Variants in RIOK1 observed in about 807,000 individuals in gnomAD.
The protein encoded by RIOK1 is serine/threonine-protein kinase RIO1.
In RIOK1, 66 loss-of-function variants were observed where a neutral mutation model predicts 73.5. The observed-to-expected ratio is 0.90, with a 90% confidence interval of 0.74 to 1.10. RIOK1 has a LOEUF of 1.10. Among genes scored for constraint, RIOK1 ranks in the 50% least tolerant of loss-of-function variants. The probability of loss-of-function intolerance (pLI) is 0.00; values close to 1 mark genes in which losing one functional copy is unlikely to be tolerated. For synonymous variants in RIOK1, 224 were observed against 226.8 expected (o/e 0.99, Z 0.11); for missense variants, 658 against 699.8 (o/e 0.94, Z 0.67).
Position 7,417,373 on chromosome 6 carries a change from AAAAAC to A in RIOK1, c.1644_1648del (p.Lys549SerfsTer2). 1 of 1,567,634 alleles carries A rather than the reference AAAAAC, an allele frequency of 6.4e-7. No homozygotes were observed. Among genetic ancestry groups the A allele is most frequent in the Non-Finnish European group, 8.6e-7 (1 of 1,156,664 alleles). On this transcript the variant is annotated frameshift_variant, in exon 17 of 17. Transcript: ENST00000379834. LOFTEE classifies it high-confidence loss of function. The stretch of plus-strand genomic sequence containing the variant: ...CAAGGAAGCCCAGAGAGAGAAAAGA[AAAAAC>A]AAAATTCCTAAACATGTGAAAAAAA...
chr6:7,403,168 C>G (rs1029805279), intron 8 of RIOK1, among the ~76,000 whole-genome samples: 1 of 152,156 alleles, frequency 6.6e-6, no homozygotes, highest in African/African-American at 2.4e-5. Context: ...ATTTGGAAGG[C>G]CTTGTAAGCC....
rs758199976 is a variant in RIOK1 at position 7,393,219 on chromosome 6, C to CGAT, written c.204_206dup (p.Asp69dup). The CGAT allele has an allele frequency of 2.5e-6, 4 of 1,595,516 alleles. No individual in the cohort carries two copies. The highest frequency in any genetic ancestry group is 2.2e-5 in the East Asian group (1 of 44,502). ...AAGATGAGGAGGAGGAGGGTTATGACGATGATGATGATGACTGGGACTGGG... is the reference window on the plus strand; with the variant it reads ...AAGATGAGGAGGAGGAGGGTTATGACGATGATGATGATGATGACTGGGACTGGG... On this transcript the variant is annotated inframe_insertion, in exon 2 of 17. Transcript: ENST00000379834.
intron 3 of RIOK1, 47 bp from the exon 4 acceptor site, chr6:7,396,656 C>A: frequency 1.7e-6 from 2 of 1,190,496 alleles, no homozygotes; most frequent in Non-Finnish European, 2.5e-6. Flanking sequence ...CTGTTAATGT[C>A]TTTTCGTCTT....
chr6:7,410,825 G>A (rs1298727718), intron 13 of RIOK1, among the ~76,000 whole-genome samples: 2 of 152,136 alleles, frequency 1.3e-5, no homozygotes, highest in African/African-American at 2.4e-5. Context: ...TGATAAAAAC[G>A]AGTCAGGGTG....
intron 4 of RIOK1, among the ~76,000 whole-genome samples, chr6:7,397,917 G>A (rs765647767): frequency 1.3e-5 from 2 of 152,160 alleles, no homozygotes; most frequent in African/African-American, 2.4e-5. Flanking sequence ...AGAGGCGGGC[G>A]GATCACAAGG....
intron 6 of RIOK1, among the ~76,000 whole-genome samples, chr6:7,401,716 T>C (rs1385623574): frequency 7.1e-6 from 1 of 140,810 alleles, no homozygotes. Context: ...TTTGAGACAG[T>C]CTCCCAGGCT....
At chr6:7,413,312 C>A (rs1292739536) in intron 15 of RIOK1, among the ~76,000 whole-genome samples, 3 of 152,146 alleles carry the variant, frequency 2.0e-5, no homozygotes, top group East Asian at 3.9e-4. Flanking sequence ...AATGTAGTCT[C>A]CTACCAGGGT....
intron 15 of RIOK1, among the ~76,000 whole-genome samples, 185 bp from the exon 16 acceptor site, chr6:7,414,053 G>A (rs750500686): frequency 1.3e-5 from 2 of 152,184 alleles, no homozygotes; most frequent in Non-Finnish European, 2.9e-5. Flanking sequence ...CTTACTTGGA[G>A]TGGCTACTTT....
rs939991570 is a variant in RIOK1, at chr6:7,411,471, T to C, written c.1389+20T>C. On this transcript the variant is annotated intron_variant, in intron 14 of 16. Transcript: ENST00000379834. ...GATAATGTAAGTAGCTTGGTTTGTATATAGCAAGCAGCTCTTCAAAAGTAG... is the reference window on the plus strand; with the variant it reads ...GATAATGTAAGTAGCTTGGTTTGTACATAGCAAGCAGCTCTTCAAAAGTAG... 3 of 1,613,280 alleles carry C rather than the reference T, an allele frequency of 1.9e-6. No individual in the cohort carries two copies. The East Asian group carries it at 6.7e-5, about 36-fold the overall frequency.
chr6:7,398,334 C>T (rs944714238), intron 4 of RIOK1, among the ~76,000 whole-genome samples: 7 of 151,850 alleles, frequency 4.6e-5, no homozygotes, highest in Admixed American at 4.6e-4. Context: ...GAAGACAAGA[C>T]TTTAATTGTG....
chr6:7,396,703 A>G lies in RIOK1; in HGVS notation c.368A>G (p.Asp123Gly). The G allele has an allele frequency of 6.3e-7, 1 of 1,589,844 alleles. No individual in the cohort carries two copies. The highest frequency in any genetic ancestry group is 1.7e-5 in the Admixed American group (1 of 58,770). ...LRKFENKINL[D>G]KLNVTDSVIN... Reference sequence around the variant, plus strand: ...ACATTGTGGGTTTCTTGTATTTTAGATAAGCTAAATGTTACTGATTCCGTC... The same window carrying G: ...ACATTGTGGGTTTCTTGTATTTTAGGTAAGCTAAATGTTACTGATTCCGTC... Residue 123 changes from aspartate to glycine, a missense_variant and splice_region_variant, in exon 4 of 17, where the codon GAT (aspartate) becomes GGT (glycine). Transcript: ENST00000379834.
At position 7,402,896 on chromosome 6, in the gene RIOK1, A is replaced by C. The variant is rs935385721; in HGVS notation, c.766A>C (p.Arg256=). 2.5e-6 allele frequency: 4 copies of C among 1,613,422 alleles called. No homozygotes were observed. In the African/African-American group the frequency reaches 5.3e-5, roughly 22 times the overall value. The change falls in exon 8 of 17, where the codon AGG becomes CGG. Residue 256 remains arginine, a splice_region_variant and synonymous_variant. Transcript: ENST00000379834. ...AGAAAAAGAAATGAGGAACTTAATC[A>C]GGTGACTGTCTGGGATGTGTGTATG... ...WAEKEMRNLI[R]LNTAEIPCPE...
intron 12 of RIOK1, among the ~76,000 whole-genome samples, chr6:7,406,905 G>A (rs779319686): frequency 2.4e-4 from 37 of 152,156 alleles, no homozygotes; most frequent in Admixed American, 3.9e-4. Context: ...TAAGTGACCC[G>A]CCTGCATCGG....
chr6:7,403,823 T>C, intron 8 of RIOK1, 118 bp from the exon 9 acceptor site: 1 of 638,702 alleles, frequency 1.6e-6, no homozygotes, highest in East Asian at 2.7e-5. Flanking sequence ...TATAATACAT[T>C]TGAGAGGCCT....
intron 12 of RIOK1, among the ~76,000 whole-genome samples, chr6:7,406,396 T>C (rs931212611): frequency 1.3e-5 from 2 of 152,226 alleles, no homozygotes; most frequent in Non-Finnish European, 2.9e-5. Context: ...TCAGTGGCAT[T>C]AAGTACATTC....
At chr6:7,407,413 C>CCCTGATTACT (rs1481062914) in intron 12 of RIOK1, among the ~76,000 whole-genome samples, 26 of 152,062 alleles carry the variant, frequency 1.7e-4, no homozygotes, top group African/African-American at 5.8e-4. Flanking sequence ...GTTTGTGTTT[C>CCCTGATTACT]CCTGATTACT....
intron 16 of RIOK1, 66 bp downstream of exon 16, chr6:7,414,456 C>T: frequency 7.2e-7 from 1 of 1,395,572 alleles, no homozygotes; most frequent in Non-Finnish European, 9.8e-7. Context: ...TTTCTCTTTG[C>T]TCAAGGATCT....
rs768202371 is a variant in RIOK1 at position 7,393,210 on chromosome 6, G to A, written c.183G>A (p.Glu61=). 114 of 1,612,886 alleles carry A rather than the reference G, an allele frequency of 7.1e-5. 1 individual carries two copies. The Middle Eastern group carries it at 1.3e-3, about 19-fold the overall frequency. ...GEGEIEDEEE[E]GYDDDDDDWD... is the part of the protein sequence containing the mutation. ...GTGAAATAGAAGATGAGGAGGAGGAGGGTTATGACGATGATGATGATGACT... is the reference window on the plus strand; with the variant it reads ...GTGAAATAGAAGATGAGGAGGAGGAAGGTTATGACGATGATGATGATGACT... The change falls in exon 2 of 17, where the codon GAG becomes GAA. Residue 61 remains glutamate (E), a synonymous_variant. Transcript: ENST00000379834.
rs991741409 is a variant in RIOK1 at position 7,390,034 on chromosome 6, T to G, written c.32T>G (p.Val11Gly). The G allele has an allele frequency of 1.3e-6, 2 of 1,557,058 alleles. No homozygotes were observed. The highest frequency in any genetic ancestry group is 1.7e-6 in the Non-Finnish European group (2 of 1,150,532). ...TACCGGCGGCTTCTCATGAGCCGGG[T>G]GGTCCCCGGGCAATTCGACGACGCG... MDYRRLLMSRVVPGQFDDADS... is the reference protein window; with the variant it reads MDYRRLLMSRGVPGQFDDADS... Residue 11 changes from valine (V) to glycine (G), a missense_variant, in exon 1 of 17, where the codon GTG becomes GGG. Val to Gly is a moderately radical substitution (Grantham distance 109). Coordinates refer to ENST00000379834, the MANE Select transcript of RIOK1 (RefSeq NM_031480.3).
Sources: gnomAD v4.1 joint callset for allele counts (sites outside exome capture counted in the v4.1 genomes callset) on GRCh38, gnomAD v4.1.1 for gene constraint, MANE v1.5 for transcripts, NCBI Gene and HGNC (gene_info 2026-07-23, HGNC 2026-07-21) for gene names.